USP47: variants seen among roughly 807,000 people sequenced by gnomAD.
USP47 encodes ubiquitin specific peptidase 47.
A neutral mutation model predicts 165.1 loss-of-function variants in USP47; 35 were observed. The observed-to-expected ratio is 0.21, with a 90% CI of 0.16 to 0.28. The LOEUF (loss-of-function observed/expected upper bound fraction) is 0.28. Ranked by LOEUF, USP47 falls within the 10% of genes least tolerant of loss-of-function variation. The pLI is 1.00. For synonymous variants in USP47, 531 were observed against 544.5 expected (o/e 0.98, Z 0.35); for missense variants, 1,277 against 1,607.4 (o/e 0.79, Z 3.52).
chr11:11,924,977 T>C (rs969480775), intron 11 of USP47, among the ~76,000 whole-genome samples: 3 of 151,348 alleles, frequency 2.0e-5, no homozygotes, highest in African/African-American at 7.3e-5. Flanking sequence ...AAGGATTGCA[T>C]TGAACCTATA....
chr11:11,909,438 G>T (rs1163670964), intron 8 of USP47, among the ~76,000 whole-genome samples: 1 of 152,064 alleles, frequency 6.6e-6, no homozygotes, highest in Non-Finnish European at 1.5e-5. Context: ...ATAGAAATTA[G>T]AAATATTAAC....
At chr11:11,947,724 C>T (rs1855936104) in intron 20 of USP47, among the ~76,000 whole-genome samples, 2 of 152,150 alleles carry the variant, frequency 1.3e-5, no homozygotes, top group African/African-American at 4.8e-5. Context: ...GAAACAAGCA[C>T]TTAAATAGCT....
chr11:11,910,755 C>T (rs1470336615), intron 8 of USP47, among the ~76,000 whole-genome samples: 1 of 152,090 alleles, frequency 6.6e-6, no homozygotes, highest in African/African-American at 2.4e-5. Flanking sequence ...ACTAATATGG[C>T]AGAGCCCTTT....
chr11:11,926,542 T>A (rs1183599424), intron 11 of USP47, among the ~76,000 whole-genome samples: 1 of 152,062 alleles, frequency 6.6e-6, no homozygotes, highest in Non-Finnish European at 1.5e-5. Flanking sequence ...CATTTCTGAT[T>A]TTTGTTATTT....
At position 11,841,993 on chromosome 11, in the gene USP47, G is replaced by C. The variant is rs1390211633; in HGVS notation, c.-193G>C. ...CGACGACGAAGGCGGCTGTGGTAGC[G>C]GCGGCGGCGGCGGCGGAGCCCTGGG... On this transcript the variant is annotated 5_prime_UTR_variant, in exon 1 of 28. Transcript: ENST00000527733. 1.7e-5 allele frequency: 7 copies of C among 418,000 alleles called. No homozygotes were observed. In the South Asian group the frequency reaches 3.0e-4, roughly 18 times the overall value. The allele number at this position is 418,000 out of a possible 1,614,324, so 25.9% of individuals were successfully genotyped here.
intron 1 of USP47, among the ~76,000 whole-genome samples, chr11:11,858,867 C>T (rs1849214346): frequency 6.6e-6 from 1 of 152,094 alleles, no homozygotes; most frequent in African/African-American, 2.4e-5. Flanking sequence ...TGTATACAAG[C>T]TTTTGGGTGG....
At chr11:11,945,372 T>G (rs1370560440) in intron 20 of USP47, among the ~76,000 whole-genome samples, 1 of 152,154 alleles carries the variant, frequency 6.6e-6, no homozygotes, top group African/African-American at 2.4e-5. Flanking sequence ...GACAATGAAT[T>G]TGATATTTAA....
chr11:11,950,046 A>G (rs771507997), intron 23 of USP47, 42 bp downstream of exon 23: 25 of 1,426,650 alleles, frequency 1.8e-5, no homozygotes, highest in East Asian at 1.2e-4. Context: ...AAGAAAGACT[A>G]TGTGGTCAGT....
At position 11,957,392 on chromosome 11, in the gene USP47, A is replaced by G. The variant is rs1426720736; in HGVS notation, c.*1217A>G. ...TAAATAAAAGTACTCAATGAACACA[A>G]TTCTACATAAATTTTGACATACCAT... On this transcript the variant is annotated 3_prime_UTR_variant, in exon 28 of 28. Transcript: ENST00000527733. 3 of 152,790 alleles carry G rather than the reference A, an allele frequency of 2.0e-5. No homozygotes were observed. Among genetic ancestry groups the G allele is most frequent in the Admixed American group, 2.0e-4 (3 of 15,308 alleles). 9.5% of individuals were successfully genotyped at this position (152,790 alleles called of 1,614,324 possible).
intron 26 of USP47, 33 bp downstream of exon 26, chr11:11,954,977 G>A: frequency 6.2e-7 from 1 of 1,613,664 alleles, no homozygotes; most frequent in East Asian, 2.2e-5. Context: ...TCTGTGTATT[G>A]TGCATGATAA....
intron 7 of USP47, 126 bp from the exon 8 acceptor site, chr11:11,905,273 G>T: frequency 2.5e-6 from 1 of 393,508 alleles, no homozygotes; most frequent in Non-Finnish European, 4.0e-6. Flanking sequence ...AAATATTAAT[G>T]TTTTCAAAGA....
chr11:11,914,146 C>T (rs1013713515), intron 8 of USP47, among the ~76,000 whole-genome samples: 1 of 151,846 alleles, frequency 6.6e-6, no homozygotes, highest in African/African-American at 2.4e-5. Flanking sequence ...TACTACTTAG[C>T]CAAAAAGACT....
At chr11:11,930,189 C>T in intron 13 of USP47, 69 bp downstream of exon 13, 1 of 1,403,036 alleles carries the variant, frequency 7.1e-7, no homozygotes, top group Non-Finnish European at 1.0e-6. Context: ...GTTTTTTTAT[C>T]ATCAAAGATT....
chr11:11,904,003 C>T (rs911319490), intron 7 of USP47, among the ~76,000 whole-genome samples: 1 of 152,006 alleles, frequency 6.6e-6, no homozygotes, highest in African/African-American at 2.4e-5. Flanking sequence ...ATGGCTTGGA[C>T]CAGTTTTTCC....
At chr11:11,852,392 A>T (rs1209014107) in intron 1 of USP47, among the ~76,000 whole-genome samples, 1 of 151,126 alleles carries the variant, frequency 6.6e-6, no homozygotes, top group Non-Finnish European at 1.5e-5. Context: ...TATTTTGTTG[A>T]TCAAGCTGTT....
chr11:11,903,699 T>C (rs1852369671), intron 7 of USP47, among the ~76,000 whole-genome samples: 1 of 152,178 alleles, frequency 6.6e-6, no homozygotes, highest in Non-Finnish European at 1.5e-5. Context: ...TTGTAATCTG[T>C]AACACAAGTA....
At chr11:11,926,971 G>C (rs112519405) in intron 11 of USP47, among the ~76,000 whole-genome samples, 1 of 150,058 alleles carries the variant, frequency 6.7e-6, no homozygotes, top group Admixed American at 6.7e-5. Flanking sequence ...TCAAGAGTGT[G>C]TTGTTTAAAA....
In USP47 at chr11:11,959,745, T is replaced by TC. The variant is rs535281474; in HGVS notation, c.*3574dup. 3.1e-3 allele frequency among the ~76,000 whole-genome samples: 469 copies of TC among 152,190 alleles called. 1 individual carries two copies. Among genetic ancestry groups the TC allele is most frequent in the African/African-American group, 0.011 (444 of 41,522 alleles). On this transcript the variant is annotated 3_prime_UTR_variant, in exon 28 of 28. Coordinates refer to ENST00000527733, the MANE Select transcript of USP47 (RefSeq NM_001282659.2). ...GAGTTGAGAGGAATGCTCTGCCCCT[T>TC]CCCCATCACAGCACTGCCCCTTTCC...
rs189287558 is a variant in USP47, at chr11:11,853,065, G to A, written c.39+10841G>A. ...TTCTCTTTTTTGGATTAGTCATATA[G>A]ATTTTTTGTCTTTTAGTGCCCAGAT... is the stretch of plus-strand genomic sequence containing the variant. On this transcript the variant is annotated intron_variant, in intron 1 of 27. Transcript: ENST00000527733. 2.5e-3 allele frequency among the ~76,000 whole-genome samples: 379 copies of A among 151,926 alleles called. 2 individuals carry two copies. The highest frequency in any genetic ancestry group is 3.9e-3 in the Non-Finnish European group (265 of 67,964).
Sources: gnomAD v4.1 joint callset for allele counts (sites outside exome capture counted in the v4.1 genomes callset) on GRCh38, gnomAD v4.1.1 for gene constraint, MANE v1.5 for transcripts, NCBI Gene and HGNC (gene_info 2026-07-23, HGNC 2026-07-21) for gene names.